The following RFX2 variants were observed in gnomAD, a reference collection of about 807,000 sequenced individuals.
RFX2 encodes DNA-binding protein RFX2.
In RFX2, 20 loss-of-function variants were observed where a neutral mutation model predicts 87.8. The observed-to-expected ratio is 0.23, with a 90% confidence interval of 0.16 to 0.33. The LOEUF is 0.33. Among genes scored for constraint, RFX2 ranks in the 10% least tolerant of loss-of-function variants. The pLI, the probability that RFX2 is intolerant of heterozygous loss-of-function variation, is 1.00. For missense variants in RFX2, 767 were observed against 1,012.3 expected (o/e 0.76, Z 3.29); for synonymous variants, 397 against 431.3 (o/e 0.92, Z 0.98).
In RFX2 at chr19:6,004,694, G is replaced by C. The variant is rs978502247; in HGVS notation, c.1403-396C>G. Among the ~76,000 whole-genome samples, 5 of 152,010 alleles carry C rather than the reference G, an allele frequency of 3.3e-5. No homozygotes were observed. The highest frequency in any genetic ancestry group is 1.2e-4 in the African/African-American group (5 of 41,374). ...CAGCCCCAGATATCAACAGTGCCAA[G>C]GGAAAGAGGCCTTGACACAAACACA... On this transcript the variant is annotated intron_variant, in intron 12 of 17. Coordinates refer to ENST00000303657, the MANE Select transcript of RFX2 (RefSeq NM_000635.4). This position sits in a 1 kb window ranked among gnomAD's most constrained non-coding sequence, Gnocchi z 4.8.
chr19:6,009,857 G>A (rs917747665), intron 9 of RFX2, among the ~76,000 whole-genome samples: 1 of 152,200 alleles, frequency 6.6e-6, no homozygotes, highest in Non-Finnish European at 1.5e-5. Context: ...TGAGCCGCCT[G>A]TCCTCTAGTG....
In RFX2 at chr19:6,003,038, T is replaced by G. The variant is rs2086515686; in HGVS notation, c.1501-168A>C. ...CTGCTATTCTTAAGGACCCAGTGTG[T>G]GAGAATCAGTGAAGAGGAGACCTCG... On this transcript the variant is annotated intron_variant, in intron 13 of 17. Transcript: ENST00000303657. Among the ~76,000 whole-genome samples the G allele has an allele frequency of 2.6e-5, 4 of 152,076 alleles. No homozygotes were observed. The South Asian group carries it at 8.3e-4, about 32-fold the overall frequency.
At position 5,994,733 on chromosome 19, in the gene RFX2, A is replaced by G. The variant is rs1164765007; in HGVS notation, c.*102T>C. On this transcript the variant is annotated 3_prime_UTR_variant, in exon 18 of 18. Transcript: ENST00000303657. ...CCGCTTGAGTCAAAGTAAACATCAC[A>G]TCATCTAAGAGGCACTAATTTGGTG... is the stretch of plus-strand genomic sequence containing the variant. 6.8e-6 allele frequency: 5 copies of G among 732,768 alleles called. No individual in the cohort carries two copies. Among genetic ancestry groups the G allele is most frequent in the South Asian group, 4.8e-5 (3 of 62,184 alleles). 45.4% of individuals were successfully genotyped at this position (732,768 alleles called of 1,614,324 possible).
chr19:6,026,022 T>A lies in RFX2; in HGVS notation c.597+141A>T, dbSNP rs2086884391. Reference sequence around the variant, plus strand: ...CTGGTCTCAAACTCCTGACTTCAAGTGATCCACCCGCCTTGGCCTCCCAAA... The same window carrying A: ...CTGGTCTCAAACTCCTGACTTCAAGAGATCCACCCGCCTTGGCCTCCCAAA... On this transcript the variant is annotated intron_variant, in intron 6 of 17. Coordinates refer to ENST00000303657, the MANE Select transcript of RFX2 (RefSeq NM_000635.4). The surrounding 1 kb of genome is among the most constrained non-coding windows in gnomAD (Gnocchi z 4.5). 1 of 652,926 alleles carries A rather than the reference T, an allele frequency of 1.5e-6. No individual in the cohort carries two copies. The highest frequency in any genetic ancestry group is 2.7e-6 in the Non-Finnish European group (1 of 368,318). 40.4% of individuals were successfully genotyped at this position (652,926 alleles called of 1,614,324 possible). A position where few individuals can be genotyped will look rare whatever the true frequency, so the allele number is the denominator to read the frequency against.
At position 6,061,694 on chromosome 19, in the gene RFX2, G is replaced by A. The variant is rs2087434402; in HGVS notation, c.-8-14190C>T. ...CAAATGCCAAGGGGAATGCCGAGTGGCTGGGAAGGAGGTATGACCACCCGG... is the reference window on the plus strand; with the variant it reads ...CAAATGCCAAGGGGAATGCCGAGTGACTGGGAAGGAGGTATGACCACCCGG... On this transcript the variant is annotated intron_variant, in intron 1 of 17. Transcript: ENST00000303657. This position sits in a 1 kb window ranked among gnomAD's most constrained non-coding sequence, Gnocchi z 5.2. Among the ~76,000 whole-genome samples the A allele has an allele frequency of 6.6e-6, 1 of 152,212 alleles. No individual in the cohort carries two copies. The highest frequency in any genetic ancestry group is 2.4e-5 in the African/African-American group (1 of 41,458).
chr19:6,080,196 T>C (rs1271852546), intron 1 of RFX2, among the ~76,000 whole-genome samples: 1 of 134,838 alleles, frequency 7.4e-6, no homozygotes, highest in African/African-American at 3.0e-5. Flanking sequence ...GGCACATGCC[T>C]GGTTAATGTG....
chr19:6,073,638 C>A, intron 1 of RFX2: 1 of 265,908 alleles, frequency 3.8e-6, no homozygotes, highest in Non-Finnish European at 7.1e-6. Context: ...AATGGAATTT[C>A]AAAACAATTA....
intron 6 of RFX2, among the ~76,000 whole-genome samples, chr19:6,018,467 G>A (rs561855829): frequency 6.6e-6 from 1 of 152,312 alleles, no homozygotes; most frequent in South Asian, 2.1e-4. Context: ...CGTTTCACAG[G>A]AGGACAAACA....
In RFX2 at chr19:6,036,591, G is replaced by C. The variant is rs960528599; in HGVS notation, c.522+3389C>G. On this transcript the variant is annotated intron_variant, in intron 5 of 17. Coordinates refer to ENST00000303657, the MANE Select transcript of RFX2 (RefSeq NM_000635.4). ...ATAAGAAGTTATTGTGTAATTGAAA[G>C]TCAATCAATGCAATTCATTATATTA... 2.6e-5 allele frequency among the ~76,000 whole-genome samples: 4 copies of C among 152,200 alleles called. No individual in the cohort carries two copies. The East Asian group carries it at 7.7e-4, about 29-fold the overall frequency.
intron 16 of RFX2, 102 bp from the exon 17 acceptor site, chr19:5,995,745 C>G: frequency 9.9e-7 from 1 of 1,005,408 alleles, no homozygotes; most frequent in Non-Finnish European, 1.5e-6. Context: ...GCCACGTCCT[C>G]CATTCACAGT....
Position 6,050,641 on chromosome 19 carries a change from T to A in RFX2, c.-8-3137A>T, listed in dbSNP as rs910493806. 3.9e-5 allele frequency among the ~76,000 whole-genome samples: 6 copies of A among 151,984 alleles called. No individual in the cohort carries two copies. Among genetic ancestry groups the A allele is most frequent in the Admixed American group, 3.9e-4 (6 of 15,260 alleles). On this transcript the variant is annotated intron_variant, in intron 1 of 17. Transcript: ENST00000303657. The surrounding 1 kb of genome is among the most constrained non-coding windows in gnomAD (Gnocchi z 4.6). ...TGAACTTAACAATAGATAAAAAGCA[T>A]TTACCCAATCTGAAGAATGAAGAGA...
intron 1 of RFX2, among the ~76,000 whole-genome samples, chr19:6,100,681 G>A (rs1208765824): frequency 1.3e-5 from 2 of 152,064 alleles, no homozygotes; most frequent in African/African-American, 4.8e-5. Flanking sequence ...GCCATGTTGC[G>A]GCCCAGCCGC....
chr19:6,042,218 A>C lies in RFX2; in HGVS notation c.181-95T>G, dbSNP rs1054151742. ...AGACGTGTCTTCTATTGCCTTTATG[A>C]ACATTTAGTACCAAATGACAATGTT... On this transcript the variant is annotated intron_variant, in intron 3 of 17. Transcript: ENST00000303657. 4.8e-6 allele frequency: 5 copies of C among 1,052,258 alleles called. No homozygotes were observed. The African/African-American group carries it at 7.8e-5, about 16-fold the overall frequency. 65.2% of individuals were successfully genotyped at this position (1,052,258 alleles called of 1,614,324 possible). A position where few individuals can be genotyped will look rare whatever the true frequency, so the allele number is the denominator to read the frequency against.
intron 1 of RFX2, among the ~76,000 whole-genome samples, chr19:6,092,495 G>C (rs2087950537): frequency 6.6e-6 from 1 of 152,202 alleles, no homozygotes; most frequent in Admixed American, 6.5e-5. Flanking sequence ...CGTCCAGAGG[G>C]AATTCAGAGG....
chr19:6,046,133 G>T (rs2087186673), intron 2 of RFX2, among the ~76,000 whole-genome samples: 1 of 152,188 alleles, frequency 6.6e-6, no homozygotes, highest in Non-Finnish European at 1.5e-5. Flanking sequence ...GGTGCCATTC[G>T]CTTTGTATTT....
At chr19:6,078,974 C>A (rs2087736705) in intron 1 of RFX2, among the ~76,000 whole-genome samples, 1 of 152,218 alleles carries the variant, frequency 6.6e-6, no homozygotes, top group Non-Finnish European at 1.5e-5. Flanking sequence ...CGGGGTTTCA[C>A]CATGTTGGCC....
rs1449217531 is a variant in RFX2, at chr19:6,016,031, AG to A, written c.779+58del. 2.7e-6 allele frequency: 4 copies of A among 1,487,370 alleles called. No homozygotes were observed. The Admixed American group carries it at 6.4e-5, about 24-fold the overall frequency. 92.1% of individuals were successfully genotyped at this position (1,487,370 alleles called of 1,614,324 possible). On this transcript the variant is annotated intron_variant, in intron 7 of 17. Transcript: ENST00000303657. This position sits in a 1 kb window ranked among gnomAD's most constrained non-coding sequence, Gnocchi z 5.4. The stretch of plus-strand genomic sequence containing the variant: ...GGAGGAAGCCTCGCATTTTCCCAAA[AG>A]CTCCATTTCTTGGGAAAGGAAGAGG...
At chr19:6,028,822 C>A (rs918052623) in intron 5 of RFX2, among the ~76,000 whole-genome samples, 1 of 152,164 alleles carries the variant, frequency 6.6e-6, no homozygotes, top group Non-Finnish European at 1.5e-5. Context: ...CGCCTATAAT[C>A]CCAGCACTTC....
At chr19:6,025,784 CTTT>C (rs1217365706) in intron 6 of RFX2, among the ~76,000 whole-genome samples, 6 of 130,006 alleles carry the variant, frequency 4.6e-5, no homozygotes, top group Admixed American at 7.8e-5. Context: ...TTGTCTTCTT[CTTT>C]TTTTTTTTTT....
Sources: allele counts gnomAD v4.1 joint callset (sites outside exome capture counted in the v4.1 genomes callset), GRCh38; gene constraint gnomAD v4.1.1; non-coding constraint Gnocchi (gnomAD v3.1); transcripts MANE v1.5; gene names NCBI Gene and HGNC (gene_info 2026-07-23, HGNC 2026-07-21).